The following PCDHA1 variants were observed in gnomAD, a reference collection of about 807,000 sequenced individuals.
PCDHA1 encodes protocadherin alpha-1.
Under a neutral mutation model 61.3 loss-of-function variants are expected in PCDHA1, and 42 were observed. The ratio of observed to expected loss-of-function variants is 0.69; its 90% CI spans 0.54 to 0.89. The LOEUF (loss-of-function observed/expected upper bound fraction) is 0.89, where lower values mean the gene tolerates loss of function less well. Ranked by LOEUF, PCDHA1 falls within the 40% of genes least tolerant of loss-of-function variation. The probability of loss-of-function intolerance (pLI) is 0.00; values close to 1 mark genes in which losing one functional copy is unlikely to be tolerated. For missense variants in PCDHA1, 1,256 were observed against 1,235.3 expected (o/e 1.02, Z -0.25); for synonymous variants, 610 against 553.8 (o/e 1.10, Z -1.43).
At chr5:140,991,740 GCT>G (rs1175946938) in intron 3 of PCDHA1, among the ~76,000 whole-genome samples, 3 of 152,200 alleles carry the variant, frequency 2.0e-5, no homozygotes, top group African/African-American at 7.2e-5. Context: ...GGTAATGTAG[GCT>G]CTTTCTATCA....
intron 3 of PCDHA1, among the ~76,000 whole-genome samples, chr5:141,002,289 G>A (rs1468757497): frequency 1.3e-5 from 2 of 152,204 alleles, no homozygotes; most frequent in East Asian, 3.8e-4. Flanking sequence ...GGATGAATGG[G>A]GAGCAAAGGG....
At chr5:140,820,574 T>A (rs1766784523) in intron 1 of PCDHA1, among the ~76,000 whole-genome samples, 1 of 152,082 alleles carries the variant, frequency 6.6e-6, no homozygotes. Flanking sequence ...TGCCCATATT[T>A]ATTAAGTGAA....
In PCDHA1 at chr5:140,995,948, C is replaced by T. The variant is rs143431693; in HGVS notation, c.2542+13385C>T. Among the ~76,000 whole-genome samples the T allele has an allele frequency of 4.7e-3, 711 of 152,264 alleles. 7 individuals carry two copies. The highest frequency in any genetic ancestry group is 0.016 in the African/African-American group (645 of 41,554). ...TGTAAGTATTAAATGACATAATGCA[C>T]GCAAAATGCTTAGAACCATGCTTAG... On this transcript the variant is annotated intron_variant, in intron 3 of 3. Transcript: ENST00000504120.
At chr5:140,963,146 T>C (rs1230280019) in intron 1 of PCDHA1, among the ~76,000 whole-genome samples, 2 of 152,074 alleles carry the variant, frequency 1.3e-5, no homozygotes, top group African/African-American at 4.8e-5. Flanking sequence ...TTTGGATGAA[T>C]TTAAAAATGA....
At chr5:140,842,635 C>G (rs1330338408) in intron 1 of PCDHA1, 3 of 1,590,774 alleles carry the variant, frequency 1.9e-6, no homozygotes, top group South Asian at 1.1e-5. Flanking sequence ...TGTGGGCCAC[C>G]GCCAGCTTGT....
chr5:140,795,318 T>C, intron 1 of PCDHA1: 1 of 1,614,180 alleles, frequency 6.2e-7, no homozygotes. Context: ...AGGTTTTCCA[T>C]GTGGAAGTGG....
chr5:140,843,160 A>C lies in PCDHA1; in HGVS notation c.2394+54476A>C, dbSNP rs2150354112. The stretch of plus-strand genomic sequence containing the variant: ...CGTGGCTTTCGTATGAGCTGCAGCC[A>C]GCTGCAAGCAGCCCTCGCATCCCGT... On this transcript the variant is annotated intron_variant, in intron 1 of 3. Transcript: ENST00000504120. 3.6e-5 allele frequency: 58 copies of C among 1,596,000 alleles called. 4 individuals are homozygous for C. In the South Asian group the frequency reaches 6.1e-4, roughly 17 times the overall value.
chr5:140,964,909 A>G (rs1164322313), intron 1 of PCDHA1, among the ~76,000 whole-genome samples: 1 of 152,208 alleles, frequency 6.6e-6, no homozygotes, highest in African/African-American at 2.4e-5. Context: ...GCTTCTCTGG[A>G]ATAACACTGG....
intron 1 of PCDHA1, chr5:140,804,921 T>A (rs947575210): frequency 1.0e-6 from 1 of 982,704 alleles, no homozygotes; most frequent in Non-Finnish European, 1.4e-6. Context: ...ATTTCCTTTT[T>A]TGGCACTATC....
chr5:140,801,920 G>C (rs562105499), intron 1 of PCDHA1: 1 of 1,614,182 alleles, frequency 6.2e-7, no homozygotes, highest in Admixed American at 1.7e-5. Context: ...ACGCCCCAGC[G>C]TTTGAGAGGA....
chr5:140,795,991 A>G (rs1554119645), intron 1 of PCDHA1: 15 of 1,614,188 alleles, frequency 9.3e-6, no homozygotes, highest in African/African-American at 1.3e-5. Flanking sequence ...ACTTGTGGAC[A>G]TCAATGATAA....
chr5:140,825,854 C>T (rs1554130384), intron 1 of PCDHA1: 2 of 152,390 alleles, frequency 1.3e-5, no homozygotes. Context: ...GATACAAACT[C>T]CCCTCTTGAG....
rs558285081 is a variant in PCDHA1, at chr5:140,807,778, G to T, written c.2394+19094G>T. On this transcript the variant is annotated intron_variant, in intron 1 of 3. Coordinates refer to ENST00000504120, the MANE Select transcript of PCDHA1 (RefSeq NM_018900.4). The stretch of plus-strand genomic sequence containing the variant: ...TAAAAGGTCTTGGGCTTATATTACG[G>T]AAATCTTTAGACAGAGAAGAAGCTC... 3.1e-6 allele frequency: 5 copies of T among 1,614,134 alleles called. No homozygotes were observed. In the African/African-American group the frequency reaches 6.7e-5, roughly 22 times the overall value.
chr5:140,833,852 G>A (rs1262329896), intron 1 of PCDHA1, among the ~76,000 whole-genome samples: 1 of 152,108 alleles, frequency 6.6e-6, no homozygotes, highest in South Asian at 2.1e-4. Context: ...CTTAACAAGC[G>A]ATACTGAATC....
chr5:140,952,266 G>T (rs2094712993), intron 1 of PCDHA1, among the ~76,000 whole-genome samples: 1 of 151,598 alleles, frequency 6.6e-6, no homozygotes, highest in South Asian at 2.1e-4. Context: ...CCATTCTGGG[G>T]TCTTGAGGGT....
Position 140,967,464 on chromosome 5 carries a change from G to A in PCDHA1, c.2395-11485G>A, listed in dbSNP as rs781900904. The A allele has an allele frequency of 1.9e-6, 3 of 1,613,386 alleles. No individual in the cohort carries two copies. In the East Asian group the frequency reaches 6.7e-5, roughly 36 times the overall value. ...CTGGTTCTCACAGCCGTGGATGGGG[G>A]CATCCCAGCCCGCTCGGGTACGGCA... On this transcript the variant is annotated intron_variant, in intron 1 of 3. Coordinates refer to ENST00000504120, the MANE Select transcript of PCDHA1 (RefSeq NM_018900.4).
chr5:140,823,639 C>A, intron 1 of PCDHA1: 1 of 1,614,012 alleles, frequency 6.2e-7, no homozygotes, highest in Non-Finnish European at 8.5e-7. Context: ...CATCCCGTTC[C>A]GCGTGGGGCT....
At chr5:140,868,341 T>C (rs1554161894) in intron 1 of PCDHA1, 1 of 152,158 alleles carries the variant, frequency 6.6e-6, no homozygotes, top group African/African-American at 2.4e-5. Flanking sequence ...AAGTCACTTA[T>C]AATCAGAAAG....
At chr5:140,944,188 T>A (rs184996) in intron 1 of PCDHA1, among the ~76,000 whole-genome samples, 85,693 of 151,800 alleles carry the variant, frequency 0.56, 24,784 homozygotes, top group African/African-American at 0.69. Context: ...GTTGGTTTGT[T>A]TTGTTTTGTT....
Sources: allele counts gnomAD v4.1 joint callset (sites outside exome capture counted in the v4.1 genomes callset), GRCh38; gene constraint gnomAD v4.1.1; transcripts MANE v1.5; gene names NCBI Gene and HGNC (gene_info 2026-07-23, HGNC 2026-07-21).